SYNE2: variants seen among roughly 807,000 people sequenced by gnomAD.
SYNE2 encodes nesprin-2.
A neutral mutation model predicts 856.3 loss-of-function variants in SYNE2; 431 were observed. The ratio of observed to expected loss-of-function variants is 0.50; its 90% CI spans 0.47 to 0.55. The LOEUF is 0.55. Ranked by LOEUF, SYNE2 falls within the 20% of genes least tolerant of loss-of-function variation. The probability of loss-of-function intolerance (pLI) is 0.00; values close to 1 mark genes in which losing one functional copy is unlikely to be tolerated. For missense variants in SYNE2, 8,129 were observed against 8,023.2 expected (o/e 1.01, Z -0.50); for synonymous variants, 2,923 against 2,872.3 (o/e 1.02, Z -0.56).
intron 28 of SYNE2, among the ~76,000 whole-genome samples, chr14:64,001,525 A>G (rs1479534632): frequency 1.3e-5 from 2 of 152,208 alleles, no homozygotes; most frequent in African/African-American, 2.4e-5. Flanking sequence ...TCTGTACTAA[A>G]AATACAAAAA....
chr14:63,969,429 A>G (rs1255892227), intron 11 of SYNE2, among the ~76,000 whole-genome samples: 1 of 134,954 alleles, frequency 7.4e-6, no homozygotes, highest in East Asian at 2.1e-4. Flanking sequence ...CAACCCCTCC[A>G]CCTCCTGGAT....
chr14:63,852,707 G>A (rs12431956), upstream of SYNE2, among the ~76,000 whole-genome samples: 68,574 of 152,006 alleles, frequency 0.45, 16,432 homozygotes, highest in South Asian at 0.55. Flanking sequence ...AAATCCTCCA[G>A]AAGAGCTTTT....
At chr14:64,209,636 G>A in intron 102 of SYNE2, 58 bp downstream of exon 102, 12 of 1,605,300 alleles carry the variant, frequency 7.5e-6, no homozygotes, top group Non-Finnish European at 1.0e-5. Flanking sequence ...GCGAGCCTGG[G>A]GGCTGCTGAA....
intron 46 of SYNE2, 127 bp from the exon 47 acceptor site, chr14:64,049,484 C>A: frequency 1.4e-6 from 1 of 716,220 alleles, no homozygotes; most frequent in Non-Finnish European, 2.3e-6. Context: ...ACTTTAGTTA[C>A]CCTGTGTGCA....
chr14:64,124,097 T>A (rs1305847713), intron 70 of SYNE2, among the ~76,000 whole-genome samples: 2 of 151,960 alleles, frequency 1.3e-5, no homozygotes, highest in Non-Finnish European at 2.9e-5. Flanking sequence ...CTCAGCTACT[T>A]GGGAGGCTGA....
intron 11 of SYNE2, among the ~76,000 whole-genome samples, chr14:63,968,879 A>G (rs1048165623): frequency 3.9e-5 from 6 of 152,182 alleles, no homozygotes; most frequent in Non-Finnish European, 7.3e-5. Flanking sequence ...AAAATGTACA[A>G]TTAAGTTATT....
intron 2 of SYNE2, among the ~76,000 whole-genome samples, chr14:63,921,522 G>A (rs143686415): frequency 4.5e-4 from 69 of 152,310 alleles, no homozygotes; most frequent in African/African-American, 1.5e-3. Flanking sequence ...AGACCCAACT[G>A]AGTGTGGTAT....
chr14:64,021,527 C>T lies in SYNE2; in HGVS notation c.5352+12C>T. 1 of 1,613,726 alleles carries T rather than the reference C, an allele frequency of 6.2e-7. No homozygotes were observed. The highest frequency in any genetic ancestry group is 8.5e-7 in the Non-Finnish European group (1 of 1,179,784). On this transcript the variant is annotated intron_variant, in intron 36 of 115. Transcript: ENST00000555002. ...TCACTAAACTAGAGGTGCTACCGAG[C>T]TGCTTGTCTTCTGTGGTTCAGATTT...
chr14:64,093,506 A>G, intron 61 of SYNE2, 26 bp downstream of exon 61: 1 of 1,613,958 alleles, frequency 6.2e-7, no homozygotes, highest in Non-Finnish European at 8.5e-7. Flanking sequence ...TCATAAAGGT[A>G]TGTTTCATTT....
chr14:63,796,665 C>A lies in SYNE2; in HGVS notation c.-305+34679C>A, dbSNP rs1324440392. 2.0e-5 allele frequency among the ~76,000 whole-genome samples: 3 copies of A among 150,928 alleles called. No individual in the cohort carries two copies. In the East Asian group the frequency reaches 5.8e-4, roughly 29 times the overall value. On this transcript the variant is annotated intron_variant, in intron 1 of 23. Coordinates refer to the SYNE2 transcript ENST00000674003. The stretch of plus-strand genomic sequence containing the variant: ...GGAAGAGTACCTTGCCTTTTTTTTT[C>A]TTCTAGTTGTACGGCAGGAGGCAAT...
intron 1 of SYNE2, among the ~76,000 whole-genome samples, chr14:63,820,278 C>G (rs751628975): frequency 1.3e-5 from 2 of 152,086 alleles, no homozygotes; most frequent in Non-Finnish European, 2.9e-5. Flanking sequence ...TATATGGTCT[C>G]TTGATTGTGA....
rs2098695550 is a variant in SYNE2, at chr14:64,221,804, C to A, written c.20190+100C>A. On this transcript the variant is annotated intron_variant, in intron 112 of 115. Coordinates refer to ENST00000555002, the MANE Select transcript of SYNE2 (RefSeq NM_182914.3). ...CTCGCCTAGTATTTCAGGAACTGTG[C>A]CAGTGGTGTTTGCCTGTAAATGCAC... 7 of 1,415,342 alleles carry A rather than the reference C, an allele frequency of 4.9e-6. No homozygotes were observed. The Admixed American group carries it at 8.4e-5, about 17-fold the overall frequency. 87.7% of individuals were successfully genotyped at this position (1,415,342 alleles called of 1,614,324 possible).
chr14:64,070,750 T>A lies in SYNE2; in HGVS notation c.10537T>A (p.Cys3513Ser). The change falls in exon 52 of 116, where the codon TGT (cysteine) becomes AGT (serine). Residue 3513 changes from cysteine (C) to serine (S), a missense_variant. Physicochemically the swap from Cys to Ser is moderately radical, Grantham distance 112. Around this residue, in one of 3 missense-constraint regions of SYNE2, gnomAD observed 5,410 missense variants for 5,284.8 expected, o/e 1.02. Coordinates refer to ENST00000555002, the MANE Select transcript of SYNE2 (RefSeq NM_182914.3). ...TTEELSELLD[C>S]LCQYGENVEK... Reference sequence around the variant, plus strand: ...AGAGGAACTCTCTGAGCTGCTAGACTGTTTATGCCAATATGGAGAGAACGT... The same window carrying A: ...AGAGGAACTCTCTGAGCTGCTAGACAGTTTATGCCAATATGGAGAGAACGT... 1.2e-6 allele frequency: 2 copies of A among 1,614,230 alleles called. No homozygotes were observed. Among genetic ancestry groups the A allele is most frequent in the Non-Finnish European group, 1.7e-6 (2 of 1,180,038 alleles).
At chr14:64,084,252 T>C (rs2097543942) in intron 57 of SYNE2, 1 of 152,238 alleles carries the variant, frequency 6.6e-6, no homozygotes, top group South Asian at 2.1e-4. Flanking sequence ...TATTGAGGTA[T>C]AATTTACATA....
chr14:64,120,982 C>A lies in SYNE2; in HGVS notation c.13079C>A (p.Pro4360Gln). The change falls in exon 68 of 116, where the codon CCA becomes CAA. Residue 4360 changes from proline (P) to glutamine (Q), a missense_variant. Pro to Gln is a moderately conservative substitution (Grantham distance 76). This residue lies in a region of SYNE2 where 5,410 missense variants were observed against 5,284.8 expected (regional missense o/e 1.02). Coordinates refer to ENST00000555002, the MANE Select transcript of SYNE2 (RefSeq NM_182914.3). The stretch of plus-strand genomic sequence containing the variant: ...CCAGAGCATCAAGAAGCTCTCCAAC[C>A]AGTTAACCTTTCTGAATTGGAATCC... ...SEPEHQEALQPVNLSELESIV... is the reference protein window; with the variant it reads ...SEPEHQEALQQVNLSELESIV... The A allele has an allele frequency of 3.1e-6, 5 of 1,614,166 alleles. No individual in the cohort carries two copies. Among genetic ancestry groups the A allele is most frequent in the Non-Finnish European group, 4.2e-6 (5 of 1,180,018 alleles).
At chr14:64,046,705 A>T (rs960768663) in intron 45 of SYNE2, among the ~76,000 whole-genome samples, 4 of 152,174 alleles carry the variant, frequency 2.6e-5, no homozygotes, top group African/African-American at 9.7e-5. Context: ...CACCAGACTC[A>T]TAAAAGAGGC....
chr14:64,129,724 A>T (rs1307513805), intron 74 of SYNE2, 58 bp from the exon 75 acceptor site: 3 of 1,610,254 alleles, frequency 1.9e-6, no homozygotes, highest in African/African-American at 1.3e-5. Context: ...TTAGATAACT[A>T]TGTGTACTTC....
chr14:63,977,070 T>C (rs1224268035), intron 12 of SYNE2, among the ~76,000 whole-genome samples: 1 of 151,692 alleles, frequency 6.6e-6, no homozygotes, highest in Admixed American at 6.6e-5. Context: ...TAAAATGGCA[T>C]GAAAAAAATT....
Position 64,213,024 on chromosome 14 carries a change from A to G in SYNE2, c.19056+19A>G. On this transcript the variant is annotated intron_variant, in intron 105 of 115. Transcript: ENST00000555002. The stretch of plus-strand genomic sequence containing the variant: ...CACTCCGGTACGGGCACTGCTGCCT[A>G]GAAATGGCACCTGGGCTGCTCAGAG... 2.5e-6 allele frequency: 4 copies of G among 1,612,408 alleles called. No individual in the cohort carries two copies. The highest frequency in any genetic ancestry group is 3.4e-6 in the Non-Finnish European group (4 of 1,179,866).
Sources: allele counts gnomAD v4.1 joint callset (sites outside exome capture counted in the v4.1 genomes callset), GRCh38; gene constraint gnomAD v4.1.1; regional missense constraint gnomAD v4.1.1; transcripts MANE v1.5; gene names NCBI Gene and HGNC (gene_info 2026-07-23, HGNC 2026-07-21).